CCDC88C: variants seen among roughly 807,000 people sequenced by gnomAD.
CCDC88C encodes the protein coiled-coil and HOOK domain protein 88C, also known as protein Daple.
A neutral mutation model predicts 198.8 loss-of-function variants in CCDC88C; 131 were observed. That is an observed-to-expected ratio of 0.66 (90% CI 0.57 to 0.76). The LOEUF (loss-of-function observed/expected upper bound fraction) is 0.76. CCDC88C is among the 30% of genes least tolerant of loss of function. The pLI is 0.00. For synonymous variants in CCDC88C, 1,166 were observed against 1,114.7 expected (o/e 1.05, Z -0.92); for missense variants, 2,553 against 2,631.6 (o/e 0.97, Z 0.65).
chr14:91,384,216 C>A (rs564030294), intron 3 of CCDC88C, among the ~76,000 whole-genome samples: 1 of 150,998 alleles, frequency 6.6e-6, no homozygotes, highest in African/African-American at 2.4e-5. Flanking sequence ...GTGGGAGGAT[C>A]GTTTGAGTCT....
At chr14:91,327,474 T>C (rs1218761441) in intron 10 of CCDC88C, among the ~76,000 whole-genome samples, 1 of 152,186 alleles carries the variant, frequency 6.6e-6, no homozygotes, top group African/African-American at 2.4e-5. Context: ...TGCCTTACAG[T>C]GGCCCTCAGA....
chr14:91,342,529 G>T, intron 5 of CCDC88C, 66 bp from the exon 6 acceptor site: 1 of 1,010,572 alleles, frequency 9.9e-7, no homozygotes, highest in Non-Finnish European at 1.5e-6. Context: ...GTCCACCACA[G>T]CCACAGAATG....
At chr14:91,310,053 T>G (rs1410785128) in intron 15 of CCDC88C, 67 bp from the exon 16 acceptor site, 60 of 1,462,120 alleles carry the variant, frequency 4.1e-5, no homozygotes, top group Non-Finnish European at 5.5e-5. Context: ...CAGGCGCCAG[T>G]CCCGCCCGGG....
At position 91,313,625 on chromosome 14, in the gene CCDC88C, G is replaced by A; in HGVS notation, c.2191C>T (p.Gln731Ter). Residue 731 changes from glutamine to a stop codon, truncating the protein, a stop_gained, in exon 15 of 30, where the codon CAG (glutamine) becomes TAG (stop). Coordinates refer to ENST00000389857, the MANE Select transcript of CCDC88C (RefSeq NM_001080414.4). LOFTEE classifies it high-confidence loss of function. The surrounding 1 kb of genome is among the most constrained non-coding windows in gnomAD (Gnocchi z 5.2). ...TCCTCCTTCTCACGCTCCAGCTGCT[G>A]GTTCTCCCTCTCCATCTGTGCCAGC... ...TKLAQMEREN[Q>*]QLEREKEELR... 1 of 1,612,732 alleles carries A rather than the reference G, an allele frequency of 6.2e-7. No individual in the cohort carries two copies. The highest frequency in any genetic ancestry group is 8.5e-7 in the Non-Finnish European group (1 of 1,179,894).
At chr14:91,392,859 T>G (rs1274805392) in intron 3 of CCDC88C, among the ~76,000 whole-genome samples, 1 of 151,152 alleles carries the variant, frequency 6.6e-6, no homozygotes, top group Non-Finnish European at 1.5e-5. Context: ...CCGCCCTGAG[T>G]GAGTCTGCAA....
At chr14:91,356,230 C>T (rs952337213) in intron 4 of CCDC88C, among the ~76,000 whole-genome samples, 10 of 152,184 alleles carry the variant, frequency 6.6e-5, no homozygotes, top group East Asian at 1.9e-4. Context: ...GGTGGATGTC[C>T]GCTGCCAGCC....
chr14:91,338,862 C>A lies in CCDC88C; in HGVS notation c.810-292G>T. ...AGCGGCAGCTGTACCACCCCACAGC[C>A]AGGCTCCACAGGTGACATCCATCAG... is the stretch of plus-strand genomic sequence containing the variant. On this transcript the variant is annotated intron_variant, in intron 8 of 29. Transcript: ENST00000389857. This position sits in a 1 kb window ranked among gnomAD's most constrained non-coding sequence, Gnocchi z 4.8. 1 of 493,600 alleles carries A rather than the reference C, an allele frequency of 2.0e-6. No individual in the cohort carries two copies. Among genetic ancestry groups the A allele is most frequent in the Non-Finnish European group, 3.7e-6 (1 of 270,360 alleles). The allele number at this position is 493,600 out of a possible 1,614,324, so 30.6% of individuals were successfully genotyped here.
intron 13 of CCDC88C, among the ~76,000 whole-genome samples, chr14:91,319,157 A>G (rs1410146235): frequency 6.6e-6 from 1 of 152,216 alleles, no homozygotes; most frequent in Non-Finnish European, 1.5e-5. Flanking sequence ...CAGAGCCCAC[A>G]GTACACCAGT....
At chr14:91,405,627 G>T (rs1308463275) in intron 3 of CCDC88C, among the ~76,000 whole-genome samples, 4 of 152,216 alleles carry the variant, frequency 2.6e-5, no homozygotes, top group Admixed American at 2.0e-4. Flanking sequence ...CTCAAGAACT[G>T]AAAGGAAATA....
At chr14:91,359,921 A>G (rs1894229401) in intron 3 of CCDC88C, among the ~76,000 whole-genome samples, 1 of 152,254 alleles carries the variant, frequency 6.6e-6, no homozygotes, top group Non-Finnish European at 1.5e-5. Flanking sequence ...GATTGTTAGC[A>G]AATAAAAAGT....
intron 3 of CCDC88C, chr14:91,379,922 G>A: frequency 1.4e-6 from 1 of 702,990 alleles, no homozygotes; most frequent in Non-Finnish European, 2.6e-6. Context: ...TAAAGGAAAA[G>A]GCGTTTGGGG....
At chr14:91,336,939 C>G (rs1893076247) in intron 10 of CCDC88C, among the ~76,000 whole-genome samples, 1 of 152,246 alleles carries the variant, frequency 6.6e-6, no homozygotes, top group African/African-American at 2.4e-5. Context: ...CTTCGGTGGC[C>G]TAAGAGGCCT....
chr14:91,414,156 C>A (rs896668306), intron 2 of CCDC88C, among the ~76,000 whole-genome samples: 2 of 152,050 alleles, frequency 1.3e-5, no homozygotes, highest in Non-Finnish European at 2.9e-5. Context: ...AAAGGTAGGC[C>A]ACACAAAAAA....
At chr14:91,333,136 T>C (rs1892904553) in intron 10 of CCDC88C, among the ~76,000 whole-genome samples, 2 of 152,256 alleles carry the variant, frequency 1.3e-5, no homozygotes, top group South Asian at 4.1e-4. Flanking sequence ...GCCACTGACG[T>C]ATGTGCATCT....
At chr14:91,305,017 G>A (rs1050189955) in intron 19 of CCDC88C, among the ~76,000 whole-genome samples, 1 of 152,096 alleles carries the variant, frequency 6.6e-6, no homozygotes, top group African/African-American at 2.4e-5. Flanking sequence ...TGAGGTGGGT[G>A]GATCATTTGA....
chr14:91,350,107 C>T (rs1893719558), intron 4 of CCDC88C, among the ~76,000 whole-genome samples: 1 of 151,970 alleles, frequency 6.6e-6, no homozygotes, highest in Non-Finnish European at 1.5e-5. Context: ...GTGTATAGTC[C>T]TTTTTGACTC....
intron 10 of CCDC88C, among the ~76,000 whole-genome samples, chr14:91,328,286 C>T (rs1038800198): frequency 6.6e-6 from 1 of 152,206 alleles, no homozygotes; most frequent in Admixed American, 6.5e-5. Context: ...CATAAGGTAA[C>T]AGAAACATCT....
chr14:91,276,095 C>T (rs371022876), intron 29 of CCDC88C, among the ~76,000 whole-genome samples: 10 of 152,116 alleles, frequency 6.6e-5, no homozygotes, highest in African/African-American at 2.2e-4. Flanking sequence ...GCTGGGATTA[C>T]AGGCGTGAGC....
chr14:91,315,995 C>T (rs1041667490), intron 13 of CCDC88C: 1 of 539,394 alleles, frequency 1.9e-6, no homozygotes, highest in South Asian at 2.3e-5. Context: ...CATCACCATC[C>T]CCCCAGCGTC....
Sources: gnomAD v4.1 joint callset for allele counts (sites outside exome capture counted in the v4.1 genomes callset) on GRCh38, gnomAD v4.1.1 for gene constraint, Gnocchi (gnomAD v3.1) non-coding constraint, MANE v1.5 for transcripts, NCBI Gene and HGNC (gene_info 2026-07-23, HGNC 2026-07-21) for gene names.